The following ELFN2 variants were observed in gnomAD, a reference collection of about 807,000 sequenced individuals.
ELFN2 encodes the protein protein phosphatase 1 regulatory subunit 29.
A neutral mutation model predicts 45.5 loss-of-function variants in ELFN2; 17 were observed. The observed-to-expected ratio is 0.37, with a 90% CI of 0.26 to 0.56. The LOEUF is 0.56. Ranked by LOEUF, ELFN2 falls within the 20% of genes least tolerant of loss-of-function variation. The pLI is 0.77. For synonymous variants in ELFN2, 550 were observed against 551.5 expected (o/e 1.00, Z 0.04); for missense variants, 922 against 1,183.2 (o/e 0.78, Z 3.24).
intron 2 of ELFN2, among the ~76,000 whole-genome samples, chr22:37,387,230 C>T (rs1931971339): frequency 6.6e-6 from 1 of 152,336 alleles, no homozygotes; most frequent in South Asian, 2.1e-4. Context: ...GCTCCCACCC[C>T]CACCTTCAGC....
At chr22:37,366,533 G>A (rs912811201), downstream of ELFN2, among the ~76,000 whole-genome samples, 1 of 152,242 alleles carries the variant, frequency 6.6e-6, no homozygotes, top group African/African-American at 2.4e-5. Context: ...TCCTGCTGAT[G>A]AAGAAAACAG....
chr22:37,354,969 C>T lies in ELFN2; in HGVS notation n.149-12266G>A, dbSNP rs1409721184. 3 of 152,258 alleles carry T rather than the reference C, an allele frequency of 2.0e-5. No individual in the cohort carries two copies. In the East Asian group the frequency reaches 5.8e-4, roughly 29 times the overall value. The allele number at this position is 152,258 out of a possible 1,614,324, so 9.4% of individuals were successfully genotyped here. A position where few individuals can be genotyped will look rare whatever the true frequency, so the allele number is the denominator to read the frequency against. ...TGAAATTCAGCTTGAACTGGCTGCC[C>T]TGCATTTTTATTTCCTTAACCTGGC... On this transcript the variant is annotated intron_variant and non_coding_transcript_variant, in intron 1 of 2. Coordinates refer to ENST00000452946, the Ensembl canonical transcript of ELFN2.
Position 37,373,986 on chromosome 22 carries a change from G to T in ELFN2, c.1549C>A (p.Pro517Thr). The T allele has an allele frequency of 6.2e-7, 1 of 1,612,996 alleles. No individual in the cohort carries two copies. The highest frequency in any genetic ancestry group is 2.2e-5 in the East Asian group (1 of 44,866). The change falls in exon 3 of 3, where the codon CCC (proline) becomes ACC (threonine). Residue 517 changes from proline (P) to threonine (T), a missense_variant. This residue lies in a region of ELFN2 where 564 missense variants were observed against 642.8 expected (regional missense o/e 0.88). Coordinates refer to ENST00000402918, the MANE Select transcript of ELFN2 (RefSeq NM_052906.5). ...TGAGGDGLARPEDDLPDLENG... is the reference protein window; with the variant it reads ...TGAGGDGLARTEDDLPDLENG... ...TCGAGGTCCGGGAGGTCATCCTCGG[G>T]CCGAGCCAGACCGTCCCCGCCGGCG...
chr22:37,413,794 G>T (rs1932713144), intron 2 of ELFN2, among the ~76,000 whole-genome samples: 1 of 152,182 alleles, frequency 6.6e-6, no homozygotes, highest in Non-Finnish European at 1.5e-5. Context: ...GACAATTCAG[G>T]CTGCTACCAA....
intron 2 of ELFN2, among the ~76,000 whole-genome samples, chr22:37,405,229 ATTATAGG>A (rs1932470043): frequency 6.6e-6 from 1 of 150,784 alleles, no homozygotes; most frequent in South Asian, 2.1e-4. Flanking sequence ...AGTAGCTGGG[ATTATAGG>A]TGCATTCCAC....
intron 2 of ELFN2, among the ~76,000 whole-genome samples, chr22:37,380,561 G>A (rs908279764): frequency 3.3e-5 from 5 of 152,304 alleles, no homozygotes; most frequent in Admixed American, 2.0e-4. Flanking sequence ...GCAGGGACGT[G>A]AGGCTCGGCC....
At chr22:37,357,954 G>A (rs1357426380) in intron 1 of ELFN2, among the ~76,000 whole-genome samples, 2 of 152,166 alleles carry the variant, frequency 1.3e-5, no homozygotes, top group East Asian at 1.9e-4. Flanking sequence ...AAGTCCCACA[G>A]CCAACCTTCT....
intron 2 of ELFN2, among the ~76,000 whole-genome samples, chr22:37,409,620 G>A (rs1932596702): frequency 6.6e-6 from 1 of 152,258 alleles, no homozygotes; most frequent in Non-Finnish European, 1.5e-5. Flanking sequence ...AGGGCAGCGT[G>A]CCGGGTCAGA....
intron 2 of ELFN2, among the ~76,000 whole-genome samples, chr22:37,380,921 TGTA>T: frequency 6.6e-6 from 1 of 152,244 alleles, no homozygotes; most frequent in Admixed American, 6.5e-5. Flanking sequence ...GTTCCTTGTC[TGTA>T]AAATGGGAGG....
intron 2 of ELFN2, among the ~76,000 whole-genome samples, chr22:37,377,582 C>G (rs774772716): frequency 2.6e-5 from 4 of 152,158 alleles, no homozygotes; most frequent in Non-Finnish European, 4.4e-5. Context: ...GGTGAGGGGT[C>G]GGGGGTTAAT....
At chr22:37,405,844 G>T (rs1036218574) in intron 2 of ELFN2, among the ~76,000 whole-genome samples, 12 of 149,238 alleles carry the variant, frequency 8.0e-5, no homozygotes, top group African/African-American at 3.0e-4. Context: ...GGGTGGAGGG[G>T]GGGTGGTCCT....
At chr22:37,422,768 T>C (rs898323222) in intron 1 of ELFN2, among the ~76,000 whole-genome samples, 1 of 151,958 alleles carries the variant, frequency 6.6e-6, no homozygotes. Context: ...TAATTTTTTG[T>C]ATTTTTAGTA....
intron 1 of ELFN2, among the ~76,000 whole-genome samples, chr22:37,424,418 C>T (rs1198040290): frequency 1.3e-5 from 2 of 152,178 alleles, no homozygotes; most frequent in Non-Finnish European, 2.9e-5. Context: ...GCCCTAGACA[C>T]GCCCCACTGG....
chr22:37,410,923 G>A (rs71328610), intron 2 of ELFN2, among the ~76,000 whole-genome samples: 14,409 of 152,170 alleles, frequency 0.095, 816 homozygotes, highest in African/African-American at 0.15. Flanking sequence ...ACCCAGAACC[G>A]GGACTCCACA....
chr22:37,406,632 G>A (rs1006156456), intron 2 of ELFN2, among the ~76,000 whole-genome samples: 4 of 152,212 alleles, frequency 2.6e-5, no homozygotes, highest in African/African-American at 9.6e-5. Flanking sequence ...ACTGGGGAGC[G>A]AGGGAAACAA....
rs766427306 is a variant in ELFN2, at chr22:37,374,911, C to T, written c.624G>A (p.Lys208=). The T allele has an allele frequency of 1.9e-6, 3 of 1,612,362 alleles. No individual in the cohort carries two copies. Among genetic ancestry groups the T allele is most frequent in the African/African-American group, 1.3e-5 (1 of 74,938 alleles). ...ACTCACACTGCAGGCGGTCGTAGTT[C>T]TTGGTGACGTTGTTGAAGACCACCA... is the stretch of plus-strand genomic sequence containing the variant. ...AWLVVFNNVT[K]NYDRLQCESP... The change falls in exon 3 of 3, where the codon AAG becomes AAA. Residue 208 remains lysine (K), a synonymous_variant. Transcript: ENST00000402918.
intron 2 of ELFN2, among the ~76,000 whole-genome samples, chr22:37,386,252 C>T (rs1931943281): frequency 6.6e-6 from 1 of 152,170 alleles, no homozygotes; most frequent in Admixed American, 6.5e-5. Context: ...CCTGAAGCCA[C>T]ACCACAGCTC....
At chr22:37,421,895 C>T (rs928052174) in intron 1 of ELFN2, among the ~76,000 whole-genome samples, 2 of 152,150 alleles carry the variant, frequency 1.3e-5, no homozygotes, top group African/African-American at 2.4e-5. Flanking sequence ...GTCGGCTGAC[C>T]CCACAGCCTC....
chr22:37,377,643 A>G (rs889988181), intron 2 of ELFN2, among the ~76,000 whole-genome samples: 1 of 152,206 alleles, frequency 6.6e-6, no homozygotes, highest in African/African-American at 2.4e-5. Flanking sequence ...GGGAGTCCAG[A>G]TGGCCCGCTG....
Sources: gnomAD v4.1 joint callset for allele counts (sites outside exome capture counted in the v4.1 genomes callset) on GRCh38, gnomAD v4.1.1 for gene constraint, gnomAD v4.1.1 regional missense constraint, MANE v1.5 for transcripts, NCBI Gene and HGNC (gene_info 2026-07-23, HGNC 2026-07-21) for gene names.